FBXL4: variants seen among roughly 807,000 people sequenced by gnomAD.
The protein encoded by FBXL4 is F-box and leucine rich repeat protein 4.
FBXL4 carries 40 observed loss-of-function variants against 58.9 expected under a neutral mutation model. That is an observed-to-expected ratio of 0.68 (90% CI 0.53 to 0.88). The LOEUF is 0.88. Among genes scored for constraint, FBXL4 ranks in the 40% least tolerant of loss-of-function variants. FBXL4 has a pLI of 0.00. For synonymous variants in FBXL4, 263 were observed against 265.5 expected (o/e 0.99, Z 0.09); for missense variants, 676 against 734.4 (o/e 0.92, Z 0.92).
intron 7 of FBXL4, among the ~76,000 whole-genome samples, chr6:98,891,396 C>T (rs1223164539): frequency 6.6e-6 from 1 of 152,120 alleles, no homozygotes; most frequent in Non-Finnish European, 1.5e-5. Flanking sequence ...TTCTTAAAAT[C>T]CTTGTGTGTG....
intron 2 of FBXL4, among the ~76,000 whole-genome samples, chr6:98,928,354 G>T (rs1181138663): frequency 6.6e-6 from 1 of 151,498 alleles, no homozygotes; most frequent in Non-Finnish European, 1.5e-5. Flanking sequence ...TCGAGACAGG[G>T]TGTCTCTCTT....
At chr6:98,893,232 C>T (rs141835088) in intron 7 of FBXL4, among the ~76,000 whole-genome samples, 1 of 152,286 alleles carries the variant, frequency 6.6e-6, no homozygotes, top group Non-Finnish European at 1.5e-5. Context: ...CTATCCTATA[C>T]AAGGTGTATT....
chr6:98,880,435 C>T, intron 8 of FBXL4, 118 bp downstream of exon 8: 1 of 761,538 alleles, frequency 1.3e-6, no homozygotes, highest in Non-Finnish European at 2.2e-6. Context: ...AAGAAGAGAA[C>T]CATAAATCTG....
Position 98,910,921 on chromosome 6 carries a change from T to A in FBXL4, c.859-5251A>T, listed in dbSNP as rs147130872. 2.6e-3 allele frequency among the ~76,000 whole-genome samples: 395 copies of A among 152,272 alleles called. 3 individuals carry two copies. The highest frequency in any genetic ancestry group is 9.1e-3 in the African/African-American group (378 of 41,568). On this transcript the variant is annotated intron_variant, in intron 5 of 9. Transcript: ENST00000369244. ...CAAGGGATCAGGGAGTTCCCTTTCC[T>A]GGTCAAGGAAAGGGGTGACAGATGG...
intron 4 of FBXL4, among the ~76,000 whole-genome samples, chr6:98,920,698 C>A (rs1349082862): frequency 6.6e-6 from 1 of 152,040 alleles, no homozygotes; most frequent in African/African-American, 2.4e-5. Context: ...TCTTACCCAA[C>A]AAGAGAATAT....
chr6:98,939,319 C>T (rs1234602447), intron 1 of FBXL4, among the ~76,000 whole-genome samples: 1 of 152,150 alleles, frequency 6.6e-6, no homozygotes, highest in Non-Finnish European at 1.5e-5. Context: ...CTTCTTTCTA[C>T]AATTATCAAA....
chr6:98,887,552 T>C (rs1490119281), intron 7 of FBXL4, among the ~76,000 whole-genome samples: 1 of 152,216 alleles, frequency 6.6e-6, no homozygotes, highest in Non-Finnish European at 1.5e-5. Context: ...AGCAAATATT[T>C]TACAGTAACT....
intron 5 of FBXL4, among the ~76,000 whole-genome samples, chr6:98,916,467 C>A (rs1469925499): frequency 6.6e-6 from 1 of 151,524 alleles, no homozygotes; most frequent in African/African-American, 2.4e-5. Context: ...CACATATACA[C>A]CATGGAATAC....
Position 98,868,705 on chromosome 6 carries a change from CTATT to C in FBXL4, c.*5569_*5572del, listed in dbSNP as rs1343502205. The C allele has an allele frequency of 1.3e-5, 2 of 152,166 alleles. No individual in the cohort carries two copies. Among genetic ancestry groups the C allele is most frequent in the Non-Finnish European group, 2.9e-5 (2 of 68,018 alleles). The allele number at this position is 152,166 out of a possible 1,614,324, so 9.4% of individuals were successfully genotyped here. ...TGTTTTATCTTTAGTGTATTCTACT[CTATT>C]TATCTGATACGACTATTTTGCTTTT... On this transcript the variant is annotated 3_prime_UTR_variant, in exon 10 of 10. Coordinates refer to ENST00000369244, the MANE Select transcript of FBXL4 (RefSeq NM_001278716.2).
At position 98,920,811 on chromosome 6, in the gene FBXL4, C is replaced by T. The variant is rs1488113979; in HGVS notation, c.513-3092G>A. Among the ~76,000 whole-genome samples the T allele has an allele frequency of 3.4e-5, 4 of 118,058 alleles. No homozygotes were observed. In the South Asian group the frequency reaches 8.6e-4, roughly 25 times the overall value. The allele number at this position is 118,058 out of a possible 152,430, so 77.5% of individuals were successfully genotyped here. A position where few individuals can be genotyped will look rare whatever the true frequency, so the allele number is the denominator to read the frequency against. On this transcript the variant is annotated intron_variant, in intron 4 of 9. Transcript: ENST00000369244. Reference sequence around the variant, plus strand: ...ACATACGCACATGTACATATGGGTACACACACATACACACACACACACACA... The same window carrying T: ...ACATACGCACATGTACATATGGGTATACACACATACACACACACACACACA...
At position 98,869,348 on chromosome 6, in the gene FBXL4, T is replaced by A. The variant is rs1770434157; in HGVS notation, c.*4930A>T. ...GCCAAACATTCACTATTAACATACATGGGGCCTGACACAGTGGCTTATGCC... is the reference window on the plus strand; with the variant it reads ...GCCAAACATTCACTATTAACATACAAGGGGCCTGACACAGTGGCTTATGCC... On this transcript the variant is annotated 3_prime_UTR_variant, in exon 10 of 10. Coordinates refer to ENST00000369244, the MANE Select transcript of FBXL4 (RefSeq NM_001278716.2). 1 of 152,208 alleles carries A rather than the reference T, an allele frequency of 6.6e-6. No individual in the cohort carries two copies. The allele number at this position is 152,208 out of a possible 1,614,324, so 9.4% of individuals were successfully genotyped here. A position where few individuals can be genotyped will look rare whatever the true frequency, so the allele number is the denominator to read the frequency against.
intron 5 of FBXL4, among the ~76,000 whole-genome samples, chr6:98,912,443 A>T (rs190149174): frequency 0.01 from 1,580 of 152,328 alleles, 24 homozygotes; most frequent in Middle Eastern, 0.061. Context: ...CGGGTTACCC[A>T]CCAAGGGAAG....
At position 98,926,878 on chromosome 6, in the gene FBXL4, A is replaced by G. The variant is rs1257454108; in HGVS notation, c.111T>C (p.Ala37=). 1.9e-6 allele frequency: 3 copies of G among 1,614,142 alleles called. No individual in the cohort carries two copies. The highest frequency in any genetic ancestry group is 2.5e-6 in the Non-Finnish European group (3 of 1,180,030). ...GGGAAGTCTGGCTGTTTGATTCTAT[A>G]GCTCTATGGGTGTTCATCATTTCTC... is the stretch of plus-strand genomic sequence containing the variant. ...TRGEMMNTHR[A]IESNSQTSPL... Residue 37 remains alanine (A), a synonymous_variant, in exon 4 of 10, where the codon GCT becomes GCC. Coordinates refer to ENST00000369244, the MANE Select transcript of FBXL4 (RefSeq NM_001278716.2).
chr6:98,924,488 C>A (rs1048371156), intron 4 of FBXL4, among the ~76,000 whole-genome samples: 4 of 152,088 alleles, frequency 2.6e-5, no homozygotes, highest in East Asian at 1.9e-4. Flanking sequence ...ACCCGAGAGG[C>A]AGAGGTTGCA....
Position 98,910,854 on chromosome 6 carries a change from G to A in FBXL4, c.859-5184C>T, listed in dbSNP as rs553841801. Among the ~76,000 whole-genome samples the A allele has an allele frequency of 4.9e-3, 743 of 152,236 alleles. 4 individuals are homozygous for A. The highest frequency in any genetic ancestry group is 0.017 in the African/African-American group (693 of 41,552). On this transcript the variant is annotated intron_variant, in intron 5 of 9. Coordinates refer to ENST00000369244, the MANE Select transcript of FBXL4 (RefSeq NM_001278716.2). ...GGACAGTGGGTGCAGCGCACCGTGCGCCAGCCGAAGCAGGGCGAGGCATTG... is the reference window on the plus strand; with the variant it reads ...GGACAGTGGGTGCAGCGCACCGTGCACCAGCCGAAGCAGGGCGAGGCATTG...
intron 8 of FBXL4, among the ~76,000 whole-genome samples, chr6:98,878,444 C>T (rs1770731875): frequency 6.6e-6 from 1 of 151,958 alleles, no homozygotes; most frequent in African/African-American, 2.4e-5. Flanking sequence ...TGGGCTCAAG[C>T]AATCCTCCTA....
At chr6:98,907,233 G>A (rs761088057) in intron 5 of FBXL4, among the ~76,000 whole-genome samples, 6 of 152,186 alleles carry the variant, frequency 3.9e-5, no homozygotes, top group Non-Finnish European at 8.8e-5. Context: ...GCCTCACAGA[G>A]GAGCTTGGAT....
chr6:98,892,769 T>G (rs993845399), intron 7 of FBXL4, among the ~76,000 whole-genome samples: 3 of 152,200 alleles, frequency 2.0e-5, no homozygotes, highest in Non-Finnish European at 1.5e-5. Context: ...TGTCTTCTAG[T>G]TCATGAAGAT....
intron 7 of FBXL4, among the ~76,000 whole-genome samples, chr6:98,889,075 G>A (rs1238386975): frequency 6.6e-6 from 1 of 152,124 alleles, no homozygotes; most frequent in Non-Finnish European, 1.5e-5. Flanking sequence ...AATGCCAAAG[G>A]TAAAGAAGTA....
Sources: gnomAD v4.1 joint callset for allele counts (sites outside exome capture counted in the v4.1 genomes callset) on GRCh38, gnomAD v4.1.1 for gene constraint, MANE v1.5 for transcripts, NCBI Gene and HGNC (gene_info 2026-07-23, HGNC 2026-07-21) for gene names.